PI4KA: variants seen among roughly 807,000 people sequenced by gnomAD.
PI4KA encodes PI4-kinase alpha.
In PI4KA, 122 loss-of-function variants were observed where a neutral mutation model predicts 271.4. That is an observed-to-expected ratio of 0.45 (90% CI 0.39 to 0.52). The LOEUF (loss-of-function observed/expected upper bound fraction) is 0.52. Ranked by LOEUF, PI4KA falls within the 20% of genes least tolerant of loss-of-function variation. PI4KA has a pLI of 0.00. For missense variants in PI4KA, 1,969 were observed against 2,769.1 expected (o/e 0.71, Z 6.48); for synonymous variants, 1,041 against 1,078.8 (o/e 0.96, Z 0.69).
At chr22:20,852,730 CATG>C (rs1927144808) in intron 1 of PI4KA, among the ~76,000 whole-genome samples, 1 of 152,176 alleles carries the variant, frequency 6.6e-6, no homozygotes, top group African/African-American at 2.4e-5. Flanking sequence ...TTCTTGGCTT[CATG>C]ATACTGGAAA....
intron 5 of PI4KA, 56 bp from the exon 6 acceptor site, chr22:20,819,956 T>C (rs1410866272): frequency 1.4e-6 from 2 of 1,422,938 alleles, no homozygotes; most frequent in Non-Finnish European, 2.0e-6. Flanking sequence ...TAGAGTCATA[T>C]AGTAAGTACT....
At chr22:20,766,652 C>T (rs539080739) in intron 19 of PI4KA, among the ~76,000 whole-genome samples, 6 of 152,208 alleles carry the variant, frequency 3.9e-5, no homozygotes, top group South Asian at 2.1e-4. Context: ...GCAACAAGGG[C>T]GAAACTCCAT....
At chr22:20,848,707 T>C (rs1211386164) in intron 1 of PI4KA, among the ~76,000 whole-genome samples, 1 of 152,080 alleles carries the variant, frequency 6.6e-6, no homozygotes, top group Non-Finnish European at 1.5e-5. Flanking sequence ...AAAACTCAAA[T>C]GTAAGAGCTA....
chr22:20,785,786 A>T (rs559196318), intron 19 of PI4KA, among the ~76,000 whole-genome samples: 2 of 152,348 alleles, frequency 1.3e-5, no homozygotes, highest in East Asian at 3.9e-4. Context: ...TCAAGGAAAT[A>T]ATCATGCAAC....
chr22:20,780,075 G>T (rs778182584), intron 19 of PI4KA: 1 of 1,614,128 alleles, frequency 6.2e-7, no homozygotes, highest in Non-Finnish European at 8.5e-7. Context: ...TGACTTCTCA[G>T]ACCCTGCCTT....
At chr22:20,829,314 C>T (rs1014264138) in intron 3 of PI4KA, among the ~76,000 whole-genome samples, 6 of 152,098 alleles carry the variant, frequency 3.9e-5, no homozygotes, top group African/African-American at 1.4e-4. Flanking sequence ...AGACTTTTTA[C>T]TACTGACTCA....
chr22:20,799,853 A>G, intron 14 of PI4KA, 87 bp from the exon 15 acceptor site: 1 of 760,820 alleles, frequency 1.3e-6, no homozygotes, highest in Non-Finnish European at 2.1e-6. Flanking sequence ...TTAGGCCTAC[A>G]AAGTTTAAAG....
intron 36 of PI4KA, among the ~76,000 whole-genome samples, chr22:20,730,761 G>C (rs1290143469): frequency 6.6e-6 from 1 of 151,726 alleles, no homozygotes; most frequent in Non-Finnish European, 1.5e-5. Flanking sequence ...GTAGAGATGG[G>C]GTTTCACCAT....
chr22:20,755,279 CTG>C (rs1269332540), intron 23 of PI4KA, among the ~76,000 whole-genome samples: 3 of 152,212 alleles, frequency 2.0e-5, no homozygotes, highest in African/African-American at 7.2e-5. Flanking sequence ...AGGTTGGCTC[CTG>C]TGTCATTCGG....
At chr22:20,841,527 A>C (rs1330397103) in intron 1 of PI4KA, among the ~76,000 whole-genome samples, 1 of 152,232 alleles carries the variant, frequency 6.6e-6, no homozygotes, top group Non-Finnish European at 1.5e-5. Flanking sequence ...AGCCAGGCAT[A>C]GCTTTAAATG....
intron 1 of PI4KA, among the ~76,000 whole-genome samples, chr22:20,846,463 T>C (rs1437788721): frequency 6.7e-6 from 1 of 150,124 alleles, no homozygotes; most frequent in Non-Finnish European, 1.5e-5. Context: ...CAATTATAAG[T>C]GGGAGCTGAA....
At position 20,858,407 on chromosome 22, in the gene PI4KA, T is replaced by C. The variant is rs1290948873; in HGVS notation, c.156+163A>G. ...CTCTCTCTTCACCAGCCCCTCCCACTAGGGCCTCCTTCCCCCGCTAGATCC... is the reference window on the plus strand; with the variant it reads ...CTCTCTCTTCACCAGCCCCTCCCACCAGGGCCTCCTTCCCCCGCTAGATCC... On this transcript the variant is annotated intron_variant, in intron 1 of 54. Coordinates refer to ENST00000255882, the MANE Select transcript of PI4KA (RefSeq NM_058004.4). Among the ~76,000 whole-genome samples the C allele has an allele frequency of 3.3e-5, 4 of 121,524 alleles. No individual in the cohort carries two copies. In the Admixed American group the frequency reaches 3.6e-4, roughly 11 times the overall value. 79.7% of individuals were successfully genotyped at this position (121,524 alleles called of 152,430 possible).
chr22:20,840,373 C>A (rs766964170), intron 1 of PI4KA, among the ~76,000 whole-genome samples: 4 of 152,186 alleles, frequency 2.6e-5, no homozygotes, highest in Non-Finnish European at 5.9e-5. Context: ...CAGAGAAGGT[C>A]CCCAGAGGGC....
Position 20,753,124 on chromosome 22 carries a change from T to C in PI4KA, c.2848A>G (p.Met950Val), listed in dbSNP as rs1342311230. Residue 950 changes from methionine to valine, a missense_variant, in exon 24 of 55, where the codon ATG becomes GTG. Around this residue, in one of 13 missense-constraint regions of PI4KA, gnomAD observed 368 missense variants for 544.3 expected, o/e 0.68. Transcript: ENST00000255882. The part of the protein sequence containing the change: ...ADKVFDAFLN[M>V]MADKAKTKEN... ...GAGAGGCTTACTTTATCCGCCATCA[T>C]GTTCAGGAAGGCATCGAATACTTTG... The C allele has an allele frequency of 3.1e-6, 5 of 1,614,030 alleles. No homozygotes were observed. The highest frequency in any genetic ancestry group is 4.2e-6 in the Non-Finnish European group (5 of 1,180,052).
At chr22:20,782,875 C>T (rs1027491858) in intron 19 of PI4KA, among the ~76,000 whole-genome samples, 1 of 152,182 alleles carries the variant, frequency 6.6e-6, no homozygotes, top group African/African-American at 2.4e-5. Flanking sequence ...GGGAATCGAG[C>T]TTCACTCACA....
At chr22:20,731,618 G>C (rs927208532) in intron 36 of PI4KA, among the ~76,000 whole-genome samples, 11 of 152,050 alleles carry the variant, frequency 7.2e-5, no homozygotes, top group Admixed American at 2.0e-4. Flanking sequence ...ATATGGTGAA[G>C]CCCTGTCTCT....
At chr22:20,763,516 T>C (rs1169776602) in intron 22 of PI4KA, among the ~76,000 whole-genome samples, 2 of 151,132 alleles carry the variant, frequency 1.3e-5, no homozygotes, top group Non-Finnish European at 2.9e-5. Context: ...CTCAGCTCAC[T>C]ACAAGCTCCA....
intron 2 of PI4KA, among the ~76,000 whole-genome samples, chr22:20,834,873 A>T (rs1924658416): frequency 6.6e-6 from 1 of 152,206 alleles, no homozygotes; most frequent in African/African-American, 2.4e-5. Flanking sequence ...CCTGTACCAC[A>T]GGAGCCTAAG....
At position 20,734,551 on chromosome 22, in the gene PI4KA, G is replaced by A. The variant is rs774494757; in HGVS notation, c.3744C>T (p.Phe1248=). The stretch of plus-strand genomic sequence containing the variant: ...GCCAGGCCCCTGCCATCTCCCGCAT[G>A]AACTACAGGTACAGAAGGAATGTTA... ...LAGKDGVEVP[F]MREMAGAWHM... is the part of the protein sequence containing the mutation. Residue 1248 remains phenylalanine (F), a splice_region_variant and synonymous_variant, in exon 33 of 55, where the codon TTC becomes TTT. Coordinates refer to ENST00000255882, the MANE Select transcript of PI4KA (RefSeq NM_058004.4). 2.5e-6 allele frequency: 4 copies of A among 1,613,948 alleles called. No homozygotes were observed. The highest frequency in any genetic ancestry group is 3.4e-6 in the Non-Finnish European group (4 of 1,179,862).
Sources: allele counts gnomAD v4.1 joint callset (sites outside exome capture counted in the v4.1 genomes callset), GRCh38; gene constraint gnomAD v4.1.1; regional missense constraint gnomAD v4.1.1; transcripts MANE v1.5; gene names NCBI Gene and HGNC (gene_info 2026-07-23, HGNC 2026-07-21).